Variants in AP4E1 observed in about 807,000 individuals in gnomAD.
AP4E1 encodes the protein adaptor related protein complex 4 subunit epsilon 1, also known as AP-4 complex subunit epsilon-1.
A neutral mutation model predicts 128.2 loss-of-function variants in AP4E1; 56 were observed. The ratio of observed to expected loss-of-function variants is 0.44; its 90% CI spans 0.35 to 0.55. The LOEUF (loss-of-function observed/expected upper bound fraction) is 0.55, where lower values mean the gene tolerates loss of function less well. Among genes scored for constraint, AP4E1 ranks in the 20% least tolerant of loss-of-function variants. The pLI, the probability that AP4E1 is intolerant of heterozygous loss-of-function variation, is 0.00. For missense variants in AP4E1, 1,324 were observed against 1,307.7 expected, an observed-to-expected ratio of 1.01 and a Z score of -0.19; for synonymous variants, 484 against 473.1, an observed-to-expected ratio of 1.02 and a Z score of -0.30.
In AP4E1 at chr15:50,997,765, T is replaced by G. The variant is rs1246794806; in HGVS notation, c.2786T>G (p.Val929Gly). Residue 929 changes from valine to glycine, a missense_variant, in exon 18 of 21, where the codon GTG becomes GGG. By Grantham distance (109) the Val-to-Gly change is moderately radical. Transcript: ENST00000261842. ...MEVCNNETISVSSYKIWKDDC... is the reference protein window; with the variant it reads ...MEVCNNETISGSSYKIWKDDC... ...GTCTGTAATAATGAAACTATATCAG[T>G]GTCTTCTTATAAAATTTGGAAAGAT... The G allele has an allele frequency of 3.1e-6, 5 of 1,611,412 alleles. No homozygotes were observed. Among genetic ancestry groups the G allele is most frequent in the Non-Finnish European group, 3.4e-6 (4 of 1,178,586 alleles).
At chr15:50,962,077 C>T (rs2064322971) in intron 14 of AP4E1, among the ~76,000 whole-genome samples, 1 of 151,816 alleles carries the variant, frequency 6.6e-6, no homozygotes, top group African/African-American at 2.4e-5. Flanking sequence ...TGGAAGACCT[C>T]TACAAGGAAA....
chr15:50,988,223 C>T (rs1051050881), intron 16 of AP4E1, among the ~76,000 whole-genome samples: 8 of 152,098 alleles, frequency 5.3e-5, no homozygotes, highest in Admixed American at 5.2e-4. Context: ...TTGAAAATAT[C>T]GTAAGTCAGA....
chr15:50,944,622 G>T, intron 10 of AP4E1: 1 of 293,626 alleles, frequency 3.4e-6, no homozygotes. Flanking sequence ...AGAACTCACA[G>T]CAAAGAGCTC....
intron 7 of AP4E1, 35 bp downstream of exon 7, chr15:50,931,006 C>G (rs763340584): frequency 8.7e-6 from 14 of 1,610,920 alleles, no homozygotes; most frequent in Middle Eastern, 1.6e-4. Flanking sequence ...TTAATGACCC[C>G]CATACCAGAT....
intron 10 of AP4E1, chr15:50,944,991 T>G: frequency 1.3e-6 from 1 of 766,286 alleles, no homozygotes; most frequent in South Asian, 1.4e-5. Flanking sequence ...ACATGAAGGC[T>G]TTGTATAAGG....
rs191178171 is a variant in AP4E1, at chr15:50,991,656, A to C, written c.2091-1714A>C. On this transcript the variant is annotated intron_variant, in intron 16 of 20. Transcript: ENST00000261842. ...AAAATCATTGAGAAGGAATGAACCA[A>C]TTCCCTTTAGGGCATTTTTTATTAA... Among the ~76,000 whole-genome samples, 248 of 152,238 alleles carry C rather than the reference A, an allele frequency of 1.6e-3. 2 individuals are homozygous for C. Among genetic ancestry groups the C allele is most frequent in the Middle Eastern group, 6.8e-3 (2 of 294 alleles).
intron 8 of AP4E1, among the ~76,000 whole-genome samples, chr15:50,939,903 A>C (rs1436473886): frequency 6.6e-6 from 1 of 152,202 alleles, no homozygotes; most frequent in Non-Finnish European, 1.5e-5. Context: ...CAGATAGTAA[A>C]TATTTTAGGC....
At chr15:50,926,219 G>C (rs1260940087) in intron 5 of AP4E1, among the ~76,000 whole-genome samples, 1 of 150,754 alleles carries the variant, frequency 6.6e-6, no homozygotes, top group Non-Finnish European at 1.5e-5. Context: ...CTCACTGCAC[G>C]CTCCACCTCC....
At position 51,002,629 on chromosome 15, in the gene AP4E1, G is replaced by T. The variant is rs756526640; in HGVS notation, c.3381G>T (p.Leu1127=). ...SSCSTLPDYL[L]YQCQKVMEGS The stretch of plus-strand genomic sequence containing the variant: ...GTTCTACTCTTCCTGACTATTTACT[G>T]TATCAGTGTCAAAAGGTGATGGAGG... Residue 1127 remains leucine (L), a synonymous_variant, in exon 21 of 21, where the codon CTG becomes CTT. Coordinates refer to ENST00000261842, the MANE Select transcript of AP4E1 (RefSeq NM_007347.5). 7 of 1,613,982 alleles carry T rather than the reference G, an allele frequency of 4.3e-6. No individual in the cohort carries two copies. The Admixed American group carries it at 8.3e-5, about 19-fold the overall frequency.
intron 12 of AP4E1, 21 bp downstream of exon 12, chr15:50,949,959 TGTAAA>T: frequency 6.2e-7 from 1 of 1,600,944 alleles, no homozygotes; most frequent in Non-Finnish European, 8.6e-7. Context: ...TATTATATTC[TGTAAA>T]GTAAACATTT....
intron 8 of AP4E1, among the ~76,000 whole-genome samples, chr15:50,940,147 C>T (rs955433111): frequency 2.0e-5 from 3 of 152,094 alleles, no homozygotes; most frequent in Non-Finnish European, 2.9e-5. Flanking sequence ...TTTAGTTTGT[C>T]TAGTTCATGA....
At chr15:50,948,305 A>T in intron 11 of AP4E1, 146 bp downstream of exon 11, 1 of 1,046,266 alleles carries the variant, frequency 9.6e-7, no homozygotes, top group Non-Finnish European at 1.4e-6. Context: ...CTCTTGTCAG[A>T]AAAAGGGATT....
chr15:50,931,489 C>T (rs985784849), intron 7 of AP4E1, among the ~76,000 whole-genome samples: 1 of 152,090 alleles, frequency 6.6e-6, no homozygotes, highest in African/African-American at 2.4e-5. Context: ...TCACTTGAAC[C>T]CAGGAGGTGT....
intron 17 of AP4E1, among the ~76,000 whole-genome samples, chr15:50,996,134 A>G (rs1353353697): frequency 6.7e-6 from 1 of 149,424 alleles, no homozygotes; most frequent in Non-Finnish European, 1.5e-5. Flanking sequence ...GATTACAGGC[A>G]TGCGCTACCA....
intron 15 of AP4E1, among the ~76,000 whole-genome samples, chr15:50,971,943 T>C (rs1226761526): frequency 6.6e-6 from 1 of 152,196 alleles, no homozygotes; most frequent in Non-Finnish European, 1.5e-5. Flanking sequence ...TTCTGGAATT[T>C]CATACATTTC....
intron 2 of AP4E1, 62 bp from the exon 3 acceptor site, chr15:50,915,386 A>G: frequency 6.5e-7 from 1 of 1,530,082 alleles, no homozygotes. Flanking sequence ...TTATGAGAAC[A>G]TAGTTAAAAC....
At chr15:50,938,465 C>T (rs996641730) in intron 8 of AP4E1, among the ~76,000 whole-genome samples, 1 of 152,118 alleles carries the variant, frequency 6.6e-6, no homozygotes, top group Non-Finnish European at 1.5e-5. Context: ...AACACACCCT[C>T]CCTAACCCCC....
chr15:50,968,398 G>A (rs202075337), intron 15 of AP4E1, 21 bp downstream of exon 15: 74 of 1,546,442 alleles, frequency 4.8e-5, no homozygotes, highest in Middle Eastern at 1.7e-4. Flanking sequence ...ATGGATTTAT[G>A]ATAAGCTAGA....
chr15:50,962,652 A>G (rs972952044), intron 14 of AP4E1, among the ~76,000 whole-genome samples: 1 of 152,068 alleles, frequency 6.6e-6, no homozygotes, highest in African/African-American at 2.4e-5. Context: ...TAAAACTACT[A>G]GAAGAAAACT....
Sources: allele counts gnomAD v4.1 joint callset (sites outside exome capture counted in the v4.1 genomes callset), GRCh38; gene constraint gnomAD v4.1.1; transcripts MANE v1.5; gene names NCBI Gene and HGNC (gene_info 2026-07-23, HGNC 2026-07-21).